The following CAMK1D variants were observed in gnomAD, a reference collection of about 807,000 sequenced individuals.
CAMK1D encodes the protein calcium/calmodulin dependent protein kinase ID, also known as calcium/calmodulin-dependent protein kinase type 1D.
Under a neutral mutation model 47.7 loss-of-function variants are expected in CAMK1D, and 9 were observed. The observed-to-expected ratio is 0.19, with a 90% CI of 0.11 to 0.33. The LOEUF is 0.33. Among genes scored for constraint, CAMK1D ranks in the 10% least tolerant of loss-of-function variants. CAMK1D has a pLI of 1.00. For missense variants in CAMK1D, 291 were observed against 488.7 expected (o/e 0.60, Z 3.81); for synonymous variants, 184 against 184.9 (o/e 0.99, Z 0.04).
intron 1 of CAMK1D, among the ~76,000 whole-genome samples, chr10:12,359,441 C>A (rs528541323): frequency 6.6e-6 from 1 of 151,968 alleles, no homozygotes; most frequent in Non-Finnish European, 1.5e-5. Flanking sequence ...CTGCCTGAAA[C>A]GTCCTCTGGC....
chr10:12,622,623 A>C (rs941996630), intron 2 of CAMK1D, among the ~76,000 whole-genome samples: 1 of 152,124 alleles, frequency 6.6e-6, no homozygotes, highest in African/African-American at 2.4e-5. Flanking sequence ...GTGGAGGCAG[A>C]CAGCTGGATT....
At chr10:12,536,220 T>G (rs567023065) in intron 1 of CAMK1D, among the ~76,000 whole-genome samples, 1 of 151,466 alleles carries the variant, frequency 6.6e-6, no homozygotes, top group South Asian at 2.1e-4. Flanking sequence ...TTGCCATCTT[T>G]GCTTCAGAGT....
intron 1 of CAMK1D, among the ~76,000 whole-genome samples, chr10:12,461,412 C>T (rs375024476): frequency 5.6e-4 from 85 of 151,980 alleles, no homozygotes; most frequent in African/African-American, 8.5e-4. Flanking sequence ...TGCTTTTGGC[C>T]GGGCGCAGTG....
chr10:12,577,598 A>G (rs1404569233), intron 2 of CAMK1D, among the ~76,000 whole-genome samples: 1 of 152,022 alleles, frequency 6.6e-6, no homozygotes, highest in African/African-American at 2.4e-5. Context: ...TTTTGTTTTC[A>G]AAAAGTCTCT....
At chr10:12,612,592 A>G (rs758299531) in intron 2 of CAMK1D, among the ~76,000 whole-genome samples, 7 of 151,940 alleles carry the variant, frequency 4.6e-5, no homozygotes, top group Non-Finnish European at 8.8e-5. Flanking sequence ...AGTCAGTTGG[A>G]TTTTCCCCGG....
At chr10:12,510,339 C>A (rs975764114) in intron 1 of CAMK1D, among the ~76,000 whole-genome samples, 1 of 152,074 alleles carries the variant, frequency 6.6e-6, no homozygotes, top group Admixed American at 6.6e-5. Context: ...TTGCTTGAAC[C>A]CAGGAGGCGG....
intron 1 of CAMK1D, among the ~76,000 whole-genome samples, chr10:12,430,362 C>G (rs182574957): frequency 7.5e-4 from 114 of 152,344 alleles, no homozygotes; most frequent in African/African-American, 2.7e-3. Context: ...GGTGGGCTTG[C>G]ACGGAACAGG....
intron 10 of CAMK1D, among the ~76,000 whole-genome samples, chr10:12,826,420 T>G (rs1833210740): frequency 6.6e-6 from 1 of 152,220 alleles, no homozygotes; most frequent in Admixed American, 6.5e-5. Flanking sequence ...CTCATTTATG[T>G]GAAGTGCATT....
Position 12,585,562 on chromosome 10 carries a change from A to G in CAMK1D, c.224+32206A>G, listed in dbSNP as rs546315182. On this transcript the variant is annotated intron_variant, in intron 2 of 10. Transcript: ENST00000619168. Reference sequence around the variant, plus strand: ...TCTACATGGCTAGAGAGACCTCACAATCATGGGAGAAGGTGAATGGCACAT... The same window carrying G: ...TCTACATGGCTAGAGAGACCTCACAGTCATGGGAGAAGGTGAATGGCACAT... Among the ~76,000 whole-genome samples the G allele has an allele frequency of 3.3e-5, 5 of 152,340 alleles. No individual in the cohort carries two copies. The South Asian group carries it at 8.3e-4, about 25-fold the overall frequency.
rs1233059677 is a variant in CAMK1D at position 12,527,193 on chromosome 10, A to G, written c.93-26032A>G. Among the ~76,000 whole-genome samples the G allele has an allele frequency of 2.0e-5, 3 of 152,080 alleles. No individual in the cohort carries two copies. The East Asian group carries it at 5.8e-4, about 29-fold the overall frequency. ...GCTGGCCCTAGAGCAGGGCAGGTAG[A>G]AAGTAAGAGAGAAAAAAAGAAAAAA... On this transcript the variant is annotated intron_variant, in intron 1 of 10. Coordinates refer to ENST00000619168, the MANE Select transcript of CAMK1D (RefSeq NM_153498.4).
intron 2 of CAMK1D, among the ~76,000 whole-genome samples, chr10:12,662,048 G>A (rs1157225238): frequency 6.6e-6 from 1 of 152,200 alleles, no homozygotes; most frequent in African/African-American, 2.4e-5. Context: ...TGCAGCTAGA[G>A]AGCAATTGAA....
intron 1 of CAMK1D, among the ~76,000 whole-genome samples, chr10:12,400,620 G>A (rs565795311): frequency 8.5e-5 from 13 of 152,142 alleles, no homozygotes; most frequent in African/African-American, 3.1e-4. Context: ...AAATGTAATT[G>A]TCTTGATGTT....
chr10:12,572,900 G>C (rs1460261346), intron 2 of CAMK1D, among the ~76,000 whole-genome samples: 1 of 152,122 alleles, frequency 6.6e-6, no homozygotes, highest in African/African-American at 2.4e-5. Context: ...CCAAAATGCT[G>C]GATTGCAGGT....
At chr10:12,428,320 C>T (rs924006370) in intron 1 of CAMK1D, among the ~76,000 whole-genome samples, 3 of 152,104 alleles carry the variant, frequency 2.0e-5, no homozygotes, top group Admixed American at 6.6e-5. Flanking sequence ...AGCCCTCTTA[C>T]CTGGGCTTTT....
At chr10:12,564,586 G>A (rs1389180388) in intron 2 of CAMK1D, among the ~76,000 whole-genome samples, 1 of 152,100 alleles carries the variant, frequency 6.6e-6, no homozygotes, top group Non-Finnish European at 1.5e-5. Context: ...CTGATGATTG[G>A]TCTGAAGCCA....
At chr10:12,649,290 G>A (rs1839895977) in intron 2 of CAMK1D, among the ~76,000 whole-genome samples, 1 of 152,256 alleles carries the variant, frequency 6.6e-6, no homozygotes, top group East Asian at 1.9e-4. Context: ...AAGTGTGAGT[G>A]AATGTTAAGA....
chr10:12,376,917 C>T (rs760302900), intron 1 of CAMK1D, among the ~76,000 whole-genome samples: 13 of 152,072 alleles, frequency 8.5e-5, no homozygotes, highest in Admixed American at 6.6e-4. Context: ...CCTGCCACCA[C>T]GCCCTGCTAA....
chr10:12,636,832 G>A (rs1035763574), intron 2 of CAMK1D, among the ~76,000 whole-genome samples: 26 of 152,114 alleles, frequency 1.7e-4, no homozygotes, highest in Admixed American at 9.8e-4. Flanking sequence ...TTTCAGCACA[G>A]AACAGAATAC....
chr10:12,812,572 C>T (rs1256683112), intron 6 of CAMK1D, among the ~76,000 whole-genome samples: 1 of 152,112 alleles, frequency 6.6e-6, no homozygotes, highest in Non-Finnish European at 1.5e-5. Flanking sequence ...GCTGTGATCA[C>T]GCCATTGTGC....
Sources: allele counts gnomAD v4.1 joint callset (sites outside exome capture counted in the v4.1 genomes callset), GRCh38; gene constraint gnomAD v4.1.1; transcripts MANE v1.5; gene names NCBI Gene and HGNC (gene_info 2026-07-23, HGNC 2026-07-21).